Variants in RABL3 observed in about 807,000 individuals in gnomAD.
RABL3 encodes RAB, member of RAS oncogene family like 3.
In RABL3, 31 loss-of-function variants were observed where a neutral mutation model predicts 31.8. The ratio of observed to expected loss-of-function variants is 0.97; its 90% CI spans 0.73 to 1.31. The LOEUF (loss-of-function observed/expected upper bound fraction) is 1.31. Among genes scored for constraint, RABL3 ranks in the 40% most tolerant of loss-of-function variants. The pLI is 0.00. For missense variants in RABL3, 263 were observed against 279.6 expected (o/e 0.94, Z 0.42); for synonymous variants, 97 against 99.9 (o/e 0.97, Z 0.18).
chr3:120,708,699 A>G (rs905139088), intron 3 of RABL3, among the ~76,000 whole-genome samples: 2 of 152,000 alleles, frequency 1.3e-5, no homozygotes, highest in African/African-American at 4.8e-5. Context: ...ACCATTGTAT[A>G]TACCTTTTTG....
intron 1 of RABL3, among the ~76,000 whole-genome samples, chr3:120,736,853 T>A (rs1459367690): frequency 6.6e-6 from 1 of 152,256 alleles, no homozygotes; most frequent in African/African-American, 2.4e-5. Context: ...GAATGTTGAA[T>A]ATTGGTCCTC....
In RABL3 at chr3:120,687,628, T is replaced by C. The variant is rs1352476779; in HGVS notation, c.*2195A>G. The C allele has an allele frequency of 6.6e-6, 1 of 152,122 alleles. No homozygotes were observed. The highest frequency in any genetic ancestry group is 1.5e-5 in the Non-Finnish European group (1 of 68,034). The allele number at this position is 152,122 out of a possible 1,614,324, so 9.4% of individuals were successfully genotyped here. Reference sequence around the variant, plus strand: ...TGCTGCTGCTAATAATTGCAACAAATTTACCTTAGATTATTAAAAACTATT... The same window carrying C: ...TGCTGCTGCTAATAATTGCAACAAACTTACCTTAGATTATTAAAAACTATT... On this transcript the variant is annotated 3_prime_UTR_variant, in exon 8 of 8. Transcript: ENST00000273375.
At chr3:120,699,122 A>G (rs1708468840) in intron 4 of RABL3, among the ~76,000 whole-genome samples, 3 of 152,256 alleles carry the variant, frequency 2.0e-5, no homozygotes, top group Admixed American at 2.0e-4. Context: ...AGAATAAGAA[A>G]ATAGAAATAG....
intron 5 of RABL3, among the ~76,000 whole-genome samples, chr3:120,698,018 G>C (rs1421657937): frequency 1.3e-5 from 2 of 152,094 alleles, no homozygotes; most frequent in African/African-American, 4.8e-5. Context: ...TAAAAAATTA[G>C]CTGGACATGG....
At chr3:120,742,129 G>A (rs1353208257) in intron 1 of RABL3, among the ~76,000 whole-genome samples, 1 of 148,206 alleles carries the variant, frequency 6.7e-6, no homozygotes, top group East Asian at 2.0e-4. Context: ...CCTTAACATA[G>A]AACCCCATAC....
intron 2 of RABL3, among the ~76,000 whole-genome samples, chr3:120,719,270 G>A (rs1238945302): frequency 6.6e-6 from 1 of 152,230 alleles, no homozygotes; most frequent in African/African-American, 2.4e-5. Flanking sequence ...CTCCCAGCGT[G>A]AGCGACACAG....
chr3:120,698,452 C>G lies in RABL3; in HGVS notation c.505G>C (p.Glu169Gln). The G allele has an allele frequency of 6.2e-7, 1 of 1,613,772 alleles. No homozygotes were observed. Among genetic ancestry groups the G allele is most frequent in the East Asian group, 2.2e-5 (1 of 44,846 alleles). Residue 169 changes from glutamate to glutamine, a missense_variant, in exon 5 of 8, where the codon GAG becomes CAG. Transcript: ENST00000273375. Reference protein sequence around the residue: ...EVLTRTAFLAEDFNPEEINLD... With the variant: ...EVLTRTAFLAQDFNPEEINLD... ...TTAATTTCTTCTGGATTGAAATCCT[C>G]AGCCAGGAAAGCAGTCCTAGTTAAA...
At chr3:120,739,399 G>A (rs1036448572) in intron 1 of RABL3, among the ~76,000 whole-genome samples, 36 of 143,752 alleles carry the variant, frequency 2.5e-4, no homozygotes, top group African/African-American at 9.1e-4. Flanking sequence ...CAGTGGGGGA[G>A]TGACAGCTTG....
chr3:120,731,028 G>A (rs1219745558), intron 1 of RABL3, among the ~76,000 whole-genome samples: 2 of 152,190 alleles, frequency 1.3e-5, no homozygotes, highest in Admixed American at 6.5e-5. Context: ...TCCACCCCCA[G>A]ACTTTCTGAT....
chr3:120,725,897 T>C (rs1039928360), intron 2 of RABL3, among the ~76,000 whole-genome samples: 5 of 152,144 alleles, frequency 3.3e-5, no homozygotes, highest in Non-Finnish European at 7.3e-5. Flanking sequence ...TGTATACATA[T>C]GTAACAAACC....
chr3:120,707,492 T>C (rs766171349), intron 3 of RABL3, among the ~76,000 whole-genome samples: 17 of 152,154 alleles, frequency 1.1e-4, no homozygotes, highest in Non-Finnish European at 1.5e-4. Context: ...AGAATTATTA[T>C]TATCTTTATA....
chr3:120,718,965 T>TA (rs765086224), intron 2 of RABL3, among the ~76,000 whole-genome samples: 2 of 152,032 alleles, frequency 1.3e-5, no homozygotes, highest in East Asian at 1.9e-4. Flanking sequence ...TCAAAGTATA[T>TA]AAATGAAAAA....
intron 2 of RABL3, among the ~76,000 whole-genome samples, chr3:120,710,861 A>G (rs534427723): frequency 6.6e-5 from 10 of 152,194 alleles, no homozygotes; most frequent in African/African-American, 2.4e-4. Flanking sequence ...AAAGTCCTCC[A>G]AAGAGTTGTC....
intron 2 of RABL3, among the ~76,000 whole-genome samples, chr3:120,716,120 A>G (rs1377039457): frequency 6.6e-6 from 1 of 152,212 alleles, no homozygotes; most frequent in Non-Finnish European, 1.5e-5. Flanking sequence ...ATTGTATGCA[A>G]TGTGTAAATT....
At chr3:120,691,919 C>T (rs1181662801) in intron 6 of RABL3, among the ~76,000 whole-genome samples, 1 of 152,230 alleles carries the variant, frequency 6.6e-6, no homozygotes, top group African/African-American at 2.4e-5. Context: ...TCTGGTGCGA[C>T]AGCCATTCAT....
intron 1 of RABL3, among the ~76,000 whole-genome samples, chr3:120,734,388 G>C: frequency 6.6e-6 from 1 of 152,212 alleles, no homozygotes; most frequent in Non-Finnish European, 1.5e-5. Flanking sequence ...TTTGCACATT[G>C]ATTTTGTATC....
chr3:120,723,421 A>C (rs1177448782), intron 2 of RABL3, among the ~76,000 whole-genome samples: 2 of 152,222 alleles, frequency 1.3e-5, no homozygotes, highest in African/African-American at 4.8e-5. Flanking sequence ...CAATAGAAAA[A>C]GGGGGAATCC....
At chr3:120,742,434 AG>A (rs1709057849) in intron 1 of RABL3, 27 bp downstream of exon 1, 2 of 1,611,046 alleles carry the variant, frequency 1.2e-6, no homozygotes, top group Non-Finnish European at 1.7e-6. Flanking sequence ...AAGTGTCTGG[AG>A]CCCCAGAGGT....
intron 2 of RABL3, chr3:120,722,342 C>T (rs1482212590): frequency 1.3e-5 from 2 of 152,102 alleles, no homozygotes; most frequent in Non-Finnish European, 2.9e-5. Context: ...ATCCAACCCC[C>T]TAAAACTGGT....
Sources: gnomAD v4.1 joint callset for allele counts (sites outside exome capture counted in the v4.1 genomes callset) on GRCh38, gnomAD v4.1.1 for gene constraint, MANE v1.5 for transcripts, NCBI Gene and HGNC (gene_info 2026-07-23, HGNC 2026-07-21) for gene names.